Variants in ATRN observed in about 807,000 individuals in gnomAD.
ATRN encodes attractin-2.
A neutral mutation model predicts 178.7 loss-of-function variants in ATRN; 54 were observed. The observed-to-expected ratio is 0.30, with a 90% CI of 0.24 to 0.38. ATRN has a LOEUF of 0.38. Among genes scored for constraint, ATRN ranks in the 10% least tolerant of loss-of-function variants. The pLI is 1.00. For missense variants in ATRN, 1,443 were observed against 1,815.1 expected (o/e 0.79, Z 3.73); for synonymous variants, 636 against 663.0 (o/e 0.96, Z 0.63).
chr20:3,557,071 A>C (rs1013162930), intron 6 of ATRN, among the ~76,000 whole-genome samples: 1 of 152,206 alleles, frequency 6.6e-6, no homozygotes, highest in African/African-American at 2.4e-5. Context: ...CATAAAGTCT[A>C]TATGTGTAGT....
Position 3,638,094 on chromosome 20 carries a change from A to T in ATRN, c.3943-734A>T, listed in dbSNP as rs1013747154. Among the ~76,000 whole-genome samples, 5 of 152,192 alleles carry T rather than the reference A, an allele frequency of 3.3e-5. No individual in the cohort carries two copies. The highest frequency in any genetic ancestry group is 7.3e-5 in the Non-Finnish European group (5 of 68,036). On this transcript the variant is annotated intron_variant, in intron 26 of 28. Transcript: ENST00000262919. This position sits in a 1 kb window ranked among gnomAD's most constrained non-coding sequence, Gnocchi z 4.5. ...TGACAAGTCGACGTCATAGCATTAAATCCACAGTACTTTTATTTTTATCTT... is the reference window on the plus strand; with the variant it reads ...TGACAAGTCGACGTCATAGCATTAATTCCACAGTACTTTTATTTTTATCTT...
At chr20:3,561,566 G>T (rs1483396217) in intron 8 of ATRN, among the ~76,000 whole-genome samples, 1 of 152,122 alleles carries the variant, frequency 6.6e-6, no homozygotes, top group African/African-American at 2.4e-5. Context: ...AGTGGAGTAT[G>T]ATTTACCCTT....
intron 5 of ATRN, 25 bp from the exon 6 acceptor site, chr20:3,549,145 A>G (rs774128912): frequency 1.3e-6 from 2 of 1,555,250 alleles, no homozygotes; most frequent in Non-Finnish European, 8.6e-7. Context: ...TCTTTTGTGA[A>G]GCTAATTCAT....
intron 15 of ATRN, among the ~76,000 whole-genome samples, chr20:3,580,546 C>T (rs2086268620): frequency 2.0e-5 from 3 of 152,168 alleles, no homozygotes; most frequent in Non-Finnish European, 4.4e-5. Context: ...ACCCTTAGGA[C>T]AGAGGCTGGC....
At chr20:3,569,292 G>T (rs556718643) in intron 11 of ATRN, among the ~76,000 whole-genome samples, 1 of 152,076 alleles carries the variant, frequency 6.6e-6, no homozygotes, top group South Asian at 2.1e-4. Context: ...ACACATCTAG[G>T]CTATATGGTA....
At chr20:3,609,483 G>A (rs1391491367) in intron 24 of ATRN, among the ~76,000 whole-genome samples, 1 of 152,130 alleles carries the variant, frequency 6.6e-6, no homozygotes, top group East Asian at 1.9e-4. Context: ...GGGACACTTT[G>A]ACTTCCTCCT....
chr20:3,628,797 ACT>A (rs1447861854), intron 25 of ATRN: 4 of 741,174 alleles, frequency 5.4e-6, no homozygotes, highest in Non-Finnish European at 6.6e-6. Context: ...CATGAGCGAG[ACT>A]CTTCCAGCCG....
Position 3,490,609 on chromosome 20 carries a change from C to T in ATRN, c.410+19092C>T, listed in dbSNP as rs559786645. On this transcript the variant is annotated intron_variant, in intron 1 of 28. Transcript: ENST00000262919. ...ACAGTCACGGAGATCGAGGTAACGA[C>T]CATATCCCTCTTCATCTGTGAACTC... 71 of 1,010,046 alleles carry T rather than the reference C, an allele frequency of 7.0e-5. 2 individuals are homozygous for T. The South Asian group carries it at 8.9e-4, about 13-fold the overall frequency. 62.6% of individuals were successfully genotyped at this position (1,010,046 alleles called of 1,614,324 possible).
rs546898708 is a variant in ATRN, at chr20:3,518,186, A to G, written c.411-17067A>G. Among the ~76,000 whole-genome samples the G allele has an allele frequency of 5.3e-5, 8 of 152,276 alleles. No individual in the cohort carries two copies. The South Asian group carries it at 1.7e-3, about 32-fold the overall frequency. The stretch of plus-strand genomic sequence containing the variant: ...AAGATGTCCAGGATGTTGGCAATCC[A>G]GTTGAGGGACGTGGTATAACGGGAC... On this transcript the variant is annotated intron_variant, in intron 1 of 28. Transcript: ENST00000262919.
chr20:3,489,236 C>T (rs1446344636), intron 1 of ATRN, among the ~76,000 whole-genome samples: 2 of 152,206 alleles, frequency 1.3e-5, no homozygotes, highest in African/African-American at 4.8e-5. Context: ...GCTGGCATTA[C>T]AGGTGTGAGC....
intron 25 of ATRN, chr20:3,629,067 T>C: frequency 1.0e-6 from 1 of 985,312 alleles, no homozygotes; most frequent in Non-Finnish European, 1.2e-6. Context: ...CTTCTCTTGC[T>C]TTCACTCAGC....
intron 26 of ATRN, among the ~76,000 whole-genome samples, chr20:3,636,888 G>A (rs1424038502): frequency 1.3e-5 from 2 of 152,194 alleles, no homozygotes; most frequent in African/African-American, 2.4e-5. Flanking sequence ...ACTAAGAAGT[G>A]TTGTTACTAT....
intron 12 of ATRN, 32 bp downstream of exon 12, chr20:3,572,983 T>C (rs2086149593): frequency 6.3e-7 from 1 of 1,575,154 alleles, no homozygotes; most frequent in Non-Finnish European, 8.7e-7. Context: ...TAGATTTTAA[T>C]GAATTTGAGA....
chr20:3,592,902 T>C (rs1428679071), intron 19 of ATRN, among the ~76,000 whole-genome samples: 2 of 152,224 alleles, frequency 1.3e-5, no homozygotes, highest in African/African-American at 4.8e-5. Context: ...TAAAAGTTCT[T>C]GCTCAGATTA....
In ATRN at chr20:3,560,687, A is replaced by G. The variant is rs2085938641; in HGVS notation, c.1229A>G (p.Lys410Arg). The G allele has an allele frequency of 6.2e-7, 1 of 1,612,662 alleles. No homozygotes were observed. Among genetic ancestry groups the G allele is most frequent in the Non-Finnish European group, 8.5e-7 (1 of 1,178,872 alleles). Residue 410 changes from lysine (K) to arginine (R), a missense_variant, in exon 8 of 29, where the codon AAA (lysine) becomes AGA (arginine). Physicochemically the swap from Lys to Arg is conservative, Grantham distance 26 (BLOSUM62 2). Transcript: ENST00000262919. ...YKDKIYMYGGKIDSTGNVTNE... is the reference protein window; with the variant it reads ...YKDKIYMYGGRIDSTGNVTNE... ...GATAAAATTTACATGTATGGAGGAA[A>G]AATTGATTCAACTGGGAATGTGACC... is the stretch of plus-strand genomic sequence containing the variant.
intron 19 of ATRN, among the ~76,000 whole-genome samples, chr20:3,593,972 C>T (rs1459295022): frequency 6.6e-6 from 1 of 152,176 alleles, no homozygotes; most frequent in Non-Finnish European, 1.5e-5. Context: ...GCCCCTAAAG[C>T]GCTGACCTTG....
intron 11 of ATRN, 77 bp downstream of exon 11, chr20:3,565,509 T>A: frequency 1.5e-6 from 2 of 1,292,370 alleles, no homozygotes; most frequent in Non-Finnish European, 2.2e-6. Context: ...GGCTCACGCC[T>A]GTAATTCTGG....
Position 3,540,281 on chromosome 20 carries a change from A to G in ATRN, c.554A>G (p.His185Arg). The G allele has an allele frequency of 1.2e-6, 2 of 1,611,658 alleles. No individual in the cohort carries two copies. The highest frequency in any genetic ancestry group is 1.7e-6 in the Non-Finnish European group (2 of 1,178,860). Residue 185 changes from histidine (H) to arginine (R), a missense_variant, in exon 3 of 29, where the codon CAT becomes CGT. Around this residue, in one of 4 missense-constraint regions of ATRN, gnomAD observed 862 missense variants for 972.1 expected, o/e 0.89. Coordinates refer to ENST00000262919, the MANE Select transcript of ATRN (RefSeq NM_139321.3). Reference sequence around the variant, plus strand: ...TTTGCTACAGAGTGTAGTTGGGACCATTTATATGTTTATGATGGGGACTCA... The same window carrying G: ...TTTGCTACAGAGTGTAGTTGGGACCGTTTATATGTTTATGATGGGGACTCA... ...NHFATECSWD[H>R]LYVYDGDSIY... is the part of the protein sequence containing the mutation.
chr20:3,644,244 G>A lies in ATRN; in HGVS notation c.4141G>A (p.Gly1381Ser). 6.2e-7 allele frequency: 1 copy of A among 1,614,124 alleles called. No individual in the cohort carries two copies. The highest frequency in any genetic ancestry group is 8.5e-7 in the Non-Finnish European group (1 of 1,179,964). The change falls in exon 28 of 29, where the codon GGC becomes AGC. Residue 1381 changes from glycine (G) to serine (S), a missense_variant. Coordinates refer to ENST00000262919, the MANE Select transcript of ATRN (RefSeq NM_139321.3). ...TGTGAGGCTCCCTCGAGGCCTGGGT[G>A]GCATCCCTCCTCCTGGGCAGTCAGG... The part of the protein sequence containing the change: ...VFVRLPRGLG[G>S]IPPPGQSGLA...
Sources: gnomAD v4.1 joint callset for allele counts (sites outside exome capture counted in the v4.1 genomes callset) on GRCh38, gnomAD v4.1.1 for gene constraint, gnomAD v4.1.1 regional missense constraint, Gnocchi (gnomAD v3.1) non-coding constraint, MANE v1.5 for transcripts, NCBI Gene and HGNC (gene_info 2026-07-23, HGNC 2026-07-21) for gene names.